The following CCDC91 variants were observed in gnomAD, a reference collection of about 807,000 sequenced individuals.
CCDC91 encodes coiled-coil domain containing 91.
In CCDC91, 48 loss-of-function variants were observed where a neutral mutation model predicts 63.2. The observed-to-expected ratio is 0.76, with a 90% CI of 0.60 to 0.97. The LOEUF (loss-of-function observed/expected upper bound fraction) is 0.97, where lower values mean the gene tolerates loss of function less well. Among genes scored for constraint, CCDC91 ranks in the 50% least tolerant of loss-of-function variants. The pLI is 0.00. For missense variants in CCDC91, 500 were observed against 494.6 expected (o/e 1.01, Z -0.10); for synonymous variants, 167 against 165.8 (o/e 1.01, Z -0.06).
At chr12:28,510,859 G>A (rs937201320) in intron 12 of CCDC91, among the ~76,000 whole-genome samples, 2 of 151,736 alleles carry the variant, frequency 1.3e-5, no homozygotes, top group African/African-American at 4.8e-5. Context: ...ACATGGGCTG[G>A]GAAGAAAGTC....
At chr12:28,250,711 T>G (rs2136089401) in intron 1 of CCDC91, among the ~76,000 whole-genome samples, 1 of 152,168 alleles carries the variant, frequency 6.6e-6, no homozygotes, top group East Asian at 1.9e-4. Flanking sequence ...TTTGAAGGCA[T>G]TAATTCAGAA....
chr12:28,212,740 TTTGA>T (rs1442028989), intron 1 of CCDC91, among the ~76,000 whole-genome samples: 20 of 152,202 alleles, frequency 1.3e-4, no homozygotes, highest in Non-Finnish European at 2.5e-4. Context: ...CTAGCAGACC[TTTGA>T]TTGATGCATA....
chr12:28,338,775 C>G (rs1005006065), intron 6 of CCDC91, among the ~76,000 whole-genome samples: 2 of 152,038 alleles, frequency 1.3e-5, no homozygotes, highest in African/African-American at 4.8e-5. Flanking sequence ...ATGCTTTGGA[C>G]TAGGGCAGTG....
chr12:28,340,908 T>C (rs890131404), intron 6 of CCDC91, among the ~76,000 whole-genome samples: 1 of 152,170 alleles, frequency 6.6e-6, no homozygotes, highest in African/African-American at 2.4e-5. Context: ...TTGGATCCCA[T>C]GTGGGCTTGG....
intron 1 of CCDC91, among the ~76,000 whole-genome samples, chr12:28,250,411 A>G (rs894957104): frequency 1.3e-5 from 2 of 152,266 alleles, no homozygotes; most frequent in East Asian, 1.9e-4. Flanking sequence ...TTTCACTGGT[A>G]GTAGAATTCA....
intron 7 of CCDC91, among the ~76,000 whole-genome samples, chr12:28,376,749 C>CAT (rs1456372576): frequency 6.6e-6 from 1 of 151,726 alleles, no homozygotes; most frequent in African/African-American, 2.4e-5. Flanking sequence ...TACATCTATT[C>CAT]AGTTAATAAG....
intron 7 of CCDC91, among the ~76,000 whole-genome samples, chr12:28,365,375 A>G (rs1031203104): frequency 2.6e-5 from 4 of 152,218 alleles, no homozygotes; most frequent in African/African-American, 9.6e-5. Context: ...GAACCAAAAA[A>G]TGATTTAAAA....
chr12:28,350,231 C>T (rs1943091295), intron 6 of CCDC91, among the ~76,000 whole-genome samples: 1 of 152,164 alleles, frequency 6.6e-6, no homozygotes, highest in Non-Finnish European at 1.5e-5. Context: ...GTGGCAGCAA[C>T]AGTAGGTACC....
intron 6 of CCDC91, among the ~76,000 whole-genome samples, chr12:28,358,972 C>T (rs1413063982): frequency 3.3e-5 from 5 of 152,088 alleles, no homozygotes; most frequent in Admixed American, 6.5e-5. Flanking sequence ...CTCGGCTCAC[C>T]GCAACCTCCG....
intron 3 of CCDC91, among the ~76,000 whole-genome samples, chr12:28,269,315 G>C (rs11049499): frequency 0.067 from 10,219 of 151,716 alleles, 864 homozygotes; most frequent in East Asian, 0.45. Flanking sequence ...ATGATTTCTT[G>C]AGATTCTGGA....
chr12:28,272,409 A>G (rs1291567941), intron 3 of CCDC91, among the ~76,000 whole-genome samples: 1 of 146,964 alleles, frequency 6.8e-6, no homozygotes, highest in Non-Finnish European at 1.5e-5. Flanking sequence ...TAGTGTTAGT[A>G]AAGTCGCTTT....
chr12:28,280,301 A>G (rs1162327792), intron 3 of CCDC91, among the ~76,000 whole-genome samples: 3 of 152,106 alleles, frequency 2.0e-5, no homozygotes, highest in African/African-American at 7.2e-5. Context: ...TTTGTATATT[A>G]CTTTCAAATT....
intron 1 of CCDC91, among the ~76,000 whole-genome samples, chr12:28,233,087 T>C (rs1490154591): frequency 2.6e-5 from 4 of 152,078 alleles, no homozygotes; most frequent in East Asian, 1.9e-4. Context: ...AAAAAATTAA[T>C]GTGTAATTTA....
At chr12:28,317,840 A>G (rs1940061242) in intron 6 of CCDC91, among the ~76,000 whole-genome samples, 1 of 151,918 alleles carries the variant, frequency 6.6e-6, no homozygotes, top group Non-Finnish European at 1.5e-5. Context: ...GCACCTTTTT[A>G]TCAGTATTTG....
intron 12 of CCDC91, among the ~76,000 whole-genome samples, chr12:28,493,929 T>C (rs760505636): frequency 2.0e-5 from 3 of 151,702 alleles, no homozygotes; most frequent in Non-Finnish European, 2.9e-5. Flanking sequence ...TCATTTGATA[T>C]GGCTTTCTAC....
chr12:28,504,996 T>A (rs1938523502), intron 12 of CCDC91, among the ~76,000 whole-genome samples: 1 of 151,954 alleles, frequency 6.6e-6, no homozygotes, highest in African/African-American at 2.4e-5. Context: ...CTATTTCCAA[T>A]AGTACTGAAA....
chr12:28,448,743 T>TTTGTG (rs1333530323), intron 8 of CCDC91, among the ~76,000 whole-genome samples: 4 of 152,088 alleles, frequency 2.6e-5, no homozygotes, highest in African/African-American at 7.2e-5. Context: ...TTTTGTTTTA[T>TTTGTG]TTGTGTTATG....
At position 28,303,323 on chromosome 12, in the gene CCDC91, T is replaced by C. The variant is rs867966927; in HGVS notation, c.110-2326T>C. Among the ~76,000 whole-genome samples the C allele has an allele frequency of 5.3e-4, 80 of 152,126 alleles. 1 individual carries two copies. The highest frequency in any genetic ancestry group is 1.9e-3 in the African/African-American group (77 of 41,524). ...AGCTAGTATGTGATTCAGAGTACCTTCATTCCCTCTCTCTGCTGTCCTCCT... is the reference window on the plus strand; with the variant it reads ...AGCTAGTATGTGATTCAGAGTACCTCCATTCCCTCTCTCTGCTGTCCTCCT... On this transcript the variant is annotated intron_variant, in intron 3 of 12. Coordinates refer to ENST00000536442, the MANE Select transcript of CCDC91 (RefSeq NM_018318.5).
intron 8 of CCDC91, among the ~76,000 whole-genome samples, chr12:28,440,784 A>T (rs79708115): frequency 2.6e-5 from 4 of 151,538 alleles, no homozygotes; most frequent in South Asian, 4.2e-4. Context: ...AGAGGCTGGG[A>T]GCAGTGGCTC....
Sources: allele counts gnomAD v4.1 joint callset (sites outside exome capture counted in the v4.1 genomes callset), GRCh38; gene constraint gnomAD v4.1.1; transcripts MANE v1.5; gene names NCBI Gene and HGNC (gene_info 2026-07-23, HGNC 2026-07-21).